The following GLIS3 variants were observed in gnomAD, a reference collection of about 807,000 sequenced individuals.
The protein encoded by GLIS3 is zinc finger protein GLIS3.
Under a neutral mutation model 78.6 loss-of-function variants are expected in GLIS3, and 53 were observed. That is an observed-to-expected ratio of 0.67 (90% CI 0.54 to 0.85). The LOEUF (loss-of-function observed/expected upper bound fraction) is 0.85, where lower values mean the gene tolerates loss of function less well. Ranked by LOEUF, GLIS3 falls within the 40% of genes least tolerant of loss-of-function variation. The pLI is 0.00. For synonymous variants in GLIS3, 684 were observed against 509.9 expected, an observed-to-expected ratio of 1.34 and a Z score of -4.60; for missense variants, 1,703 against 1,231.1, an observed-to-expected ratio of 1.38 and a Z score of -5.74.
At chr9:4,342,104 T>C (rs1334199609) in intron 2 of GLIS3, among the ~76,000 whole-genome samples, 1 of 152,240 alleles carries the variant, frequency 6.6e-6, no homozygotes, top group African/African-American at 2.4e-5. Context: ...TTAGTTTAAT[T>C]AGGTCCCATT....
intron 2 of GLIS3, among the ~76,000 whole-genome samples, chr9:4,324,589 T>A (rs1390752903): frequency 6.6e-6 from 1 of 152,212 alleles, no homozygotes; most frequent in Non-Finnish European, 1.5e-5. Context: ...CTTTTGCACA[T>A]AAGTTTGGCA....
chr9:4,484,229 T>C, the GLIS3 span, among the ~76,000 whole-genome samples: 1 of 146,198 alleles, frequency 6.8e-6, no homozygotes, highest in African/African-American at 2.6e-5. Flanking sequence ...CAAACTAACT[T>C]TTTTTTTTTA....
rs2130462795 is a variant in GLIS3, at chr9:4,050,085, A to T, written c.1710+67683T>A. On this transcript the variant is annotated intron_variant, in intron 4 of 10. Coordinates refer to ENST00000381971, the MANE Select transcript of GLIS3 (RefSeq NM_001042413.2). ...ACTAGAAATACCATTTGACCCAGCC[A>T]TCCCATTACTGGGTATATAACCAAA... Among the ~76,000 whole-genome samples, 4 of 152,310 alleles carry T rather than the reference A, an allele frequency of 2.6e-5. No homozygotes were observed. The South Asian group carries it at 8.3e-4, about 32-fold the overall frequency.
chr9:4,197,531 G>C (rs1818979514), intron 2 of GLIS3, among the ~76,000 whole-genome samples: 1 of 152,146 alleles, frequency 6.6e-6, no homozygotes, highest in African/African-American at 2.4e-5. Context: ...CCATGCCTAG[G>C]CACATATCTG....
chr9:4,031,961 G>C (rs1823873723), intron 4 of GLIS3, among the ~76,000 whole-genome samples: 1 of 152,176 alleles, frequency 6.6e-6, no homozygotes, highest in African/African-American at 2.4e-5. Flanking sequence ...CTAGCAGATA[G>C]CAAGAGTCTA....
chr9:4,129,865 G>T (rs753118738), intron 2 of GLIS3, among the ~76,000 whole-genome samples: 1 of 152,146 alleles, frequency 6.6e-6, no homozygotes, highest in Non-Finnish European at 1.5e-5. Flanking sequence ...AGGAAGATGT[G>T]GAAAATAGTG....
chr9:3,882,018 C>T (rs1487542892), intron 7 of GLIS3, among the ~76,000 whole-genome samples: 1 of 152,216 alleles, frequency 6.6e-6, no homozygotes, highest in African/African-American at 2.4e-5. Flanking sequence ...TACTTCATTA[C>T]ATTTGCTCTA....
intron 4 of GLIS3, among the ~76,000 whole-genome samples, chr9:3,941,702 T>C (rs934554682): frequency 1.1e-4 from 17 of 152,342 alleles, no homozygotes; most frequent in African/African-American, 4.1e-4. Flanking sequence ...CTTACACTCA[T>C]GGGTCTTGAA....
intron 7 of GLIS3, among the ~76,000 whole-genome samples, chr9:3,883,648 C>G (rs1002801985): frequency 6.6e-6 from 1 of 152,174 alleles, no homozygotes; most frequent in African/African-American, 2.4e-5. Context: ...CTGTTGTCAT[C>G]AAATCAGCCG....
At chr9:4,456,842 G>T in the GLIS3 span, among the ~76,000 whole-genome samples, 14 of 152,164 alleles carry the variant, frequency 9.2e-5, no homozygotes, top group Non-Finnish European at 1.9e-4. Context: ...AATTAAGTTT[G>T]CTGTTGTATA....
At chr9:3,954,977 A>G (rs1275253921) in intron 4 of GLIS3, among the ~76,000 whole-genome samples, 1 of 152,214 alleles carries the variant, frequency 6.6e-6, no homozygotes, top group Non-Finnish European at 1.5e-5. Context: ...TAAATAAATA[A>G]AAGAGAGATG....
the GLIS3 span, among the ~76,000 whole-genome samples, chr9:4,480,509 G>T: frequency 2.0e-5 from 3 of 152,008 alleles, no homozygotes; most frequent in Admixed American, 2.0e-4. Context: ...CCAAGCTTTA[G>T]ATATTCTAAT....
At chr9:4,185,086 T>C (rs1817665989) in intron 2 of GLIS3, among the ~76,000 whole-genome samples, 3 of 152,204 alleles carry the variant, frequency 2.0e-5, no homozygotes, top group Admixed American at 2.0e-4. Flanking sequence ...GGATCCATGA[T>C]ACCTATATAT....
At chr9:4,049,832 C>A (rs948297747) in intron 4 of GLIS3, among the ~76,000 whole-genome samples, 3 of 152,108 alleles carry the variant, frequency 2.0e-5, no homozygotes, top group Non-Finnish European at 2.9e-5. Context: ...ATGCAGCCAA[C>A]AGACACATGA....
intron 4 of GLIS3, among the ~76,000 whole-genome samples, chr9:4,077,870 C>A (rs1564018186): frequency 1.3e-5 from 2 of 152,220 alleles, no homozygotes; most frequent in South Asian, 4.1e-4. Flanking sequence ...GTTCCCAGCT[C>A]CATACCTTCC....
At chr9:4,338,347 A>G (rs1817784143) in intron 2 of GLIS3, among the ~76,000 whole-genome samples, 2 of 149,806 alleles carry the variant, frequency 1.3e-5, no homozygotes, top group African/African-American at 5.0e-5. Context: ...AGATAGATGG[A>G]TTTCTATTAT....
chr9:4,024,287 T>A (rs1232066636), intron 4 of GLIS3, among the ~76,000 whole-genome samples: 1 of 152,228 alleles, frequency 6.6e-6, no homozygotes, highest in Non-Finnish European at 1.5e-5. Flanking sequence ...GTTTCCATTC[T>A]AATTAGCATC....
intron 4 of GLIS3, among the ~76,000 whole-genome samples, chr9:4,010,119 C>CT (rs1385130154): frequency 6.6e-6 from 1 of 152,106 alleles, no homozygotes; most frequent in Non-Finnish European, 1.5e-5. Context: ...CTCCAGGGAT[C>CT]TCCCCCGGGG....
At chr9:4,099,116 C>T (rs1047435292) in intron 4 of GLIS3, among the ~76,000 whole-genome samples, 12 of 152,240 alleles carry the variant, frequency 7.9e-5, no homozygotes, top group African/African-American at 2.9e-4. Flanking sequence ...TGGGCACCTG[C>T]AGCAGCCTGC....
Sources: allele counts gnomAD v4.1 joint callset (sites outside exome capture counted in the v4.1 genomes callset), GRCh38; gene constraint gnomAD v4.1.1; transcripts MANE v1.5; gene names NCBI Gene and HGNC (gene_info 2026-07-23, HGNC 2026-07-21).